LHPP: variants seen among roughly 807,000 people sequenced by gnomAD.
LHPP encodes hLHPP.
In LHPP, 24 loss-of-function variants were observed where a neutral mutation model predicts 30.3. The observed-to-expected ratio is 0.79, with a 90% confidence interval of 0.57 to 1.11. The LOEUF (loss-of-function observed/expected upper bound fraction) is 1.11, where lower values mean the gene tolerates loss of function less well. Ranked by LOEUF, LHPP falls within the 50% of genes most tolerant of loss-of-function variation. LHPP has a pLI of 0.00. For synonymous variants in LHPP, 150 were observed against 157.1 expected, an observed-to-expected ratio of 0.95 and a Z score of 0.34; for missense variants, 356 against 367.2, an observed-to-expected ratio of 0.97 and a Z score of 0.25.
At chr10:124,561,394 G>T (rs1052262197) in intron 6 of LHPP, among the ~76,000 whole-genome samples, 8 of 152,122 alleles carry the variant, frequency 5.3e-5, no homozygotes, top group Non-Finnish European at 8.8e-5. Context: ...TGGAGCATCA[G>T]TGGAGACCAC....
At chr10:124,579,063 A>T (rs1948710960) in intron 6 of LHPP, among the ~76,000 whole-genome samples, 1 of 152,218 alleles carries the variant, frequency 6.6e-6, no homozygotes, top group Non-Finnish European at 1.5e-5. Flanking sequence ...TCCCCGTCGA[A>T]GTGGCTCTAA....
chr10:124,511,236 C>G (rs1954285919), intron 5 of LHPP, among the ~76,000 whole-genome samples: 1 of 152,164 alleles, frequency 6.6e-6, no homozygotes, highest in Admixed American at 6.5e-5. Context: ...TTAAAAGGAA[C>G]TTTTGATGAC....
intron 1 of LHPP, among the ~76,000 whole-genome samples, chr10:124,464,935 C>T (rs570084601): frequency 1.3e-5 from 2 of 152,278 alleles, no homozygotes. Flanking sequence ...CTCAGATACC[C>T]ATCAGTAGGG....
chr10:124,497,950 G>A, intron 4 of LHPP, 86 bp from the exon 5 acceptor site: 4 of 1,051,214 alleles, frequency 3.8e-6, no homozygotes, highest in Non-Finnish European at 5.9e-6. Flanking sequence ...ACTCTTGGGG[G>A]CACATTTGGG....
At chr10:124,507,778 ATAGGGAGTATTTCAGGTGGGGGGGG>A (rs1954179183) in intron 5 of LHPP, among the ~76,000 whole-genome samples, 3 of 4,090 alleles carry the variant, frequency 7.3e-4, no homozygotes, top group Non-Finnish European at 1.2e-3. Flanking sequence ...AGGTGGGGGG[ATAGGGAGTATTTCAGGTGGGGGGGG>A]TAGGGAGGAT....
At chr10:124,569,280 A>C (rs1214239737) in intron 6 of LHPP, among the ~76,000 whole-genome samples, 1 of 152,004 alleles carries the variant, frequency 6.6e-6, no homozygotes, top group African/African-American at 2.4e-5. Context: ...TTCTCTCCCT[A>C]GTTTTGGATC....
At chr10:124,570,010 C>T (rs1327835855) in intron 6 of LHPP, among the ~76,000 whole-genome samples, 2 of 144,910 alleles carry the variant, frequency 1.4e-5, no homozygotes, top group East Asian at 4.1e-4. Flanking sequence ...GTAGAGCTCA[C>T]CCGGCCACTT....
rs372627936 is a variant in LHPP at position 124,503,237 on chromosome 10, T to A, written c.624+5109T>A. Among the ~76,000 whole-genome samples the A allele has an allele frequency of 9.3e-4, 140 of 150,176 alleles. 2 individuals are homozygous for A. The highest frequency in any genetic ancestry group is 3.3e-3 in the African/African-American group (132 of 40,090). On this transcript the variant is annotated intron_variant, in intron 5 of 6. Coordinates refer to ENST00000368842, the MANE Select transcript of LHPP (RefSeq NM_022126.4). ...ATGTGCCACCACGCCCATCTAATTT[T>A]GTGTTTTTAGTAGAGACGGGGTTTC... is the stretch of plus-strand genomic sequence containing the variant.
intron 6 of LHPP, among the ~76,000 whole-genome samples, chr10:124,551,134 C>T (rs1589856729): frequency 6.6e-6 from 1 of 152,306 alleles, no homozygotes; most frequent in African/African-American, 2.4e-5. Flanking sequence ...ACCAGTGTCT[C>T]CATGAAGTTG....
intron 6 of LHPP, among the ~76,000 whole-genome samples, chr10:124,542,022 C>A (rs7077004): frequency 2.6e-5 from 4 of 151,724 alleles, no homozygotes; most frequent in African/African-American, 4.8e-5. Flanking sequence ...GACACCTCTC[C>A]AGCTGAGGCT....
chr10:124,543,858 C>T (rs1955265758), intron 6 of LHPP, among the ~76,000 whole-genome samples: 1 of 152,080 alleles, frequency 6.6e-6, no homozygotes, highest in African/African-American at 2.4e-5. Flanking sequence ...ATCCACAATC[C>T]CACCTTCCAA....
At chr10:124,552,070 C>T (rs1948178658) in intron 6 of LHPP, among the ~76,000 whole-genome samples, 1 of 152,058 alleles carries the variant, frequency 6.6e-6, no homozygotes, top group South Asian at 2.1e-4. Flanking sequence ...CCCATTCCTG[C>T]TTGTCAGAAG....
chr10:124,575,931 G>T (rs1312553812), intron 6 of LHPP, among the ~76,000 whole-genome samples: 2 of 152,216 alleles, frequency 1.3e-5, no homozygotes, highest in African/African-American at 4.8e-5. Context: ...GAGGACCTGG[G>T]TGCCAGGTCG....
chr10:124,608,017 T>TAGAA (rs1949118330), intron 6 of LHPP, among the ~76,000 whole-genome samples: 1 of 152,062 alleles, frequency 6.6e-6, no homozygotes, highest in South Asian at 2.1e-4. Flanking sequence ...GACCAGGGAA[T>TAGAA]AGAAGCGTTG....
intron 5 of LHPP, chr10:124,498,349 G>A: frequency 1.3e-6 from 2 of 1,570,132 alleles, no homozygotes; most frequent in Non-Finnish European, 1.7e-6. Flanking sequence ...ATGAAAGCAA[G>A]AAGCAGAAAT....
At chr10:124,551,257 C>T (rs910603986) in intron 6 of LHPP, among the ~76,000 whole-genome samples, 5 of 152,274 alleles carry the variant, frequency 3.3e-5, no homozygotes, top group East Asian at 1.9e-4. Flanking sequence ...CAGAGAGGCC[C>T]GATCCCATCC....
rs112469389 is a variant in LHPP, at chr10:124,506,051, C to G, written c.624+7923C>G. 6.3e-3 allele frequency among the ~76,000 whole-genome samples: 952 copies of G among 152,218 alleles called. 19 individuals carry two copies. The East Asian group carries it at 0.068, about 11-fold the overall frequency. On this transcript the variant is annotated intron_variant, in intron 5 of 6. Coordinates refer to ENST00000368842, the MANE Select transcript of LHPP (RefSeq NM_022126.4). ...ACGAGCCCAGGAGTTCGAGACCAGC[C>G]TGGGTAACATGGTGAAACCCTGTCT...
chr10:124,472,703 G>A (rs927766777), intron 1 of LHPP, among the ~76,000 whole-genome samples: 5 of 151,892 alleles, frequency 3.3e-5, no homozygotes, highest in South Asian at 2.1e-4. Context: ...GACTACAGGC[G>A]CCTGCCACCA....
chr10:124,573,981 G>A (rs1948622332), intron 6 of LHPP, among the ~76,000 whole-genome samples: 1 of 152,064 alleles, frequency 6.6e-6, no homozygotes, highest in Non-Finnish European at 1.5e-5. Context: ...CAGGGACCTG[G>A]CTCCCCTGGA....
Sources: allele counts gnomAD v4.1 joint callset (sites outside exome capture counted in the v4.1 genomes callset), GRCh38; gene constraint gnomAD v4.1.1; transcripts MANE v1.5; gene names NCBI Gene and HGNC (gene_info 2026-07-23, HGNC 2026-07-21).